The following KIAA1217 variants were observed in gnomAD, a reference collection of about 807,000 sequenced individuals.
The protein encoded by KIAA1217 is KIAA1217.
In KIAA1217, 88 loss-of-function variants were observed where a neutral mutation model predicts 163.9. The ratio of observed to expected loss-of-function variants is 0.54; its 90% CI spans 0.45 to 0.64. The LOEUF is 0.64. KIAA1217 is among the 30% of genes least tolerant of loss of function. KIAA1217 has a pLI of 0.00. For synonymous variants in KIAA1217, 903 were observed against 923.1 expected, an observed-to-expected ratio of 0.98 and a Z score of 0.39; for missense variants, 2,372 against 2,475.0, an observed-to-expected ratio of 0.96 and a Z score of 0.88.
At chr10:24,018,223 G>T (rs959888533) in intron 2 of KIAA1217, among the ~76,000 whole-genome samples, 1 of 152,040 alleles carries the variant, frequency 6.6e-6, no homozygotes, top group Non-Finnish European at 1.5e-5. Flanking sequence ...AAAGCCAAGA[G>T]AAACCACAAA....
chr10:23,965,357 C>T lies in KIAA1217; in HGVS notation c.-320-41868C>T, dbSNP rs181850162. 2.0e-5 allele frequency among the ~76,000 whole-genome samples: 3 copies of T among 152,290 alleles called. No individual in the cohort carries two copies. In the South Asian group the frequency reaches 6.2e-4, roughly 32 times the overall value. ...AACTAACTGAGTGCAGTCTCACTGG[C>T]AAATGCCCTATAAGGCCTCTTGTTC... On this transcript the variant is annotated intron_variant, in intron 1 of 18. Transcript: ENST00000376462.
At chr10:24,173,077 T>A (rs1309832242) in intron 2 of KIAA1217, among the ~76,000 whole-genome samples, 2 of 152,178 alleles carry the variant, frequency 1.3e-5, no homozygotes, top group Non-Finnish European at 2.9e-5. Flanking sequence ...TGAAGTTTCA[T>A]CTGTATTTGC....
intron 5 of KIAA1217, among the ~76,000 whole-genome samples, chr10:24,441,626 T>C (rs2060503034): frequency 6.6e-6 from 1 of 152,124 alleles, no homozygotes; most frequent in African/African-American, 2.4e-5. Flanking sequence ...AGGAGACTTG[T>C]GGTTCTCGGC....
chr10:24,123,135 TG>T (rs2063345832), intron 2 of KIAA1217, among the ~76,000 whole-genome samples: 1 of 15,802 alleles, frequency 6.3e-5, no homozygotes, highest in African/African-American at 2.7e-4. Flanking sequence ...ACTGTGTGTT[TG>T]TGTGTGTGTG....
chr10:24,466,461 A>G (rs2062954310), intron 5 of KIAA1217: 2 of 927,692 alleles, frequency 2.2e-6, no homozygotes, highest in Non-Finnish European at 1.3e-6. Flanking sequence ...ATGTGGGCTG[A>G]GGTTATTCAG....
chr10:23,824,155 C>T (rs185600809), intron 1 of KIAA1217, among the ~76,000 whole-genome samples: 4 of 151,986 alleles, frequency 2.6e-5, no homozygotes, highest in African/African-American at 9.7e-5. Flanking sequence ...CACCTATGGT[C>T]CCAGCTACTT....
intron 2 of KIAA1217, among the ~76,000 whole-genome samples, chr10:24,221,506 G>A (rs773381977): frequency 1.2e-4 from 18 of 152,150 alleles, no homozygotes; most frequent in Non-Finnish European, 2.5e-4. Flanking sequence ...AATGGAGATT[G>A]GCATCAGCCC....
intron 2 of KIAA1217, among the ~76,000 whole-genome samples, chr10:24,055,140 A>C (rs1849801389): frequency 6.6e-6 from 1 of 152,130 alleles, no homozygotes; most frequent in African/African-American, 2.4e-5. Flanking sequence ...GGTGGCATGC[A>C]CCTGTACTTT....
intron 3 of KIAA1217, among the ~76,000 whole-genome samples, chr10:24,416,769 T>C (rs534124066): frequency 8.9e-4 from 135 of 152,124 alleles, no homozygotes; most frequent in Non-Finnish European, 1.5e-3. Flanking sequence ...TCCCTTCCGC[T>C]TTGCAAGGAG....
chr10:24,190,425 A>G (rs1439943504), intron 2 of KIAA1217, among the ~76,000 whole-genome samples: 61 of 152,200 alleles, frequency 4.0e-4, no homozygotes, highest in Admixed American at 3.9e-3. Flanking sequence ...GAACTTCCCC[A>G]AACAGCTTAT....
At chr10:24,328,709 A>G (rs542337911) in intron 2 of KIAA1217, among the ~76,000 whole-genome samples, 2 of 152,246 alleles carry the variant, frequency 1.3e-5, no homozygotes, top group South Asian at 4.1e-4. Flanking sequence ...CAATGTAATT[A>G]ATATAAATTT....
chr10:23,942,395 A>G (rs1488272810), intron 1 of KIAA1217, among the ~76,000 whole-genome samples: 4 of 152,364 alleles, frequency 2.6e-5, no homozygotes, highest in South Asian at 2.1e-4. Flanking sequence ...AGTGAAAACT[A>G]TAACAACAGA....
intron 2 of KIAA1217, among the ~76,000 whole-genome samples, chr10:24,036,349 T>A (rs747049326): frequency 4.6e-5 from 7 of 152,038 alleles, no homozygotes; most frequent in Non-Finnish European, 1.0e-4. Flanking sequence ...TAGAGATATA[T>A]GTGGGGAGGG....
At chr10:24,466,832 G>A (rs1196021578) in intron 5 of KIAA1217, 2 of 975,820 alleles carry the variant, frequency 2.0e-6, no homozygotes, top group Admixed American at 6.2e-5. Context: ...AGTGTCTTAA[G>A]ATTCCATTTC....
chr10:23,848,702 A>C lies in KIAA1217; in HGVS notation c.-321+153468A>C, dbSNP rs1839162468. ...TTTCTCTCATCCCACATATCCAAGC[A>C]TCTCCAACTTTTCTTGCTTTTACCT... On this transcript the variant is annotated intron_variant, in intron 1 of 18. Coordinates refer to the KIAA1217 transcript ENST00000376462. Among the ~76,000 whole-genome samples, 4 of 152,020 alleles carry C rather than the reference A, an allele frequency of 2.6e-5. No homozygotes were observed. In the South Asian group the frequency reaches 8.3e-4, roughly 31 times the overall value.
chr10:23,818,229 C>A (rs1837439643), intron 1 of KIAA1217, among the ~76,000 whole-genome samples: 1 of 140,496 alleles, frequency 7.1e-6, no homozygotes, highest in African/African-American at 2.6e-5. Flanking sequence ...ATAGGCAAAA[C>A]TTTATATATT....
chr10:24,030,173 G>T (rs1299455807), intron 2 of KIAA1217, among the ~76,000 whole-genome samples: 1 of 152,138 alleles, frequency 6.6e-6, no homozygotes, highest in African/African-American at 2.4e-5. Flanking sequence ...ACCATTTTAA[G>T]CATTTTTAAT....
intron 1 of KIAA1217, among the ~76,000 whole-genome samples, chr10:23,879,028 T>TATTTTGGAG (rs1448147016): frequency 6.6e-6 from 1 of 151,938 alleles, no homozygotes; most frequent in Non-Finnish European, 1.5e-5. Context: ...GACATCCACG[T>TATTTTGGAG]GTAGAAATCA....
chr10:24,291,211 A>T (rs938510049), intron 2 of KIAA1217, among the ~76,000 whole-genome samples: 72 of 152,276 alleles, frequency 4.7e-4, no homozygotes, highest in African/African-American at 1.7e-3. Context: ...CCTGTGGGAT[A>T]TGACCAACAA....
Sources: gnomAD v4.1 joint callset for allele counts (sites outside exome capture counted in the v4.1 genomes callset) on GRCh38, gnomAD v4.1.1 for gene constraint, MANE v1.5 for transcripts, NCBI Gene and HGNC (gene_info 2026-07-23, HGNC 2026-07-21) for gene names.